CSMD1: variants seen among roughly 807,000 people sequenced by gnomAD.
CSMD1 encodes CUB and Sushi multiple domains 1.
In CSMD1, 213 loss-of-function variants were observed where a neutral mutation model predicts 417.5. That is an observed-to-expected ratio of 0.51 (90% CI 0.46 to 0.57). CSMD1 has a LOEUF of 0.57. CSMD1 is among the 20% of genes least tolerant of loss of function. The pLI is 0.00. For synonymous variants in CSMD1, 2,862 were observed against 1,736.8 expected, an observed-to-expected ratio of 1.65 and a Z score of -16.11; for missense variants, 6,923 against 4,529.7, an observed-to-expected ratio of 1.53 and a Z score of -15.17.
chr8:4,260,800 C>T (rs1803826915), intron 3 of CSMD1, among the ~76,000 whole-genome samples: 1 of 152,110 alleles, frequency 6.6e-6, no homozygotes, highest in Non-Finnish European at 1.5e-5. Flanking sequence ...GTCACCTCTC[C>T]TGGAAAATTA....
chr8:4,051,951 G>C (rs1472441426), intron 3 of CSMD1, among the ~76,000 whole-genome samples: 1 of 144,480 alleles, frequency 6.9e-6, no homozygotes, highest in Non-Finnish European at 1.5e-5. Flanking sequence ...TCTTGACAGA[G>C]TTTCACTCTT....
At chr8:4,302,506 G>A (rs576041699) in intron 3 of CSMD1, among the ~76,000 whole-genome samples, 1 of 152,240 alleles carries the variant, frequency 6.6e-6, no homozygotes, top group South Asian at 2.1e-4. Flanking sequence ...GACCACAGTA[G>A]CGTGCTTGCA....
intron 10 of CSMD1, among the ~76,000 whole-genome samples, chr8:3,540,383 A>T (rs1424924256): frequency 6.6e-6 from 1 of 152,198 alleles, no homozygotes; most frequent in Non-Finnish European, 1.5e-5. Flanking sequence ...AGTACAGCTC[A>T]AGGTGGATTC....
intron 3 of CSMD1, among the ~76,000 whole-genome samples, chr8:4,085,138 C>T (rs1053200254): frequency 6.6e-6 from 1 of 152,150 alleles, no homozygotes; most frequent in Non-Finnish European, 1.5e-5. Context: ...TGAGATGTCA[C>T]CGGCCTTGAA....
At chr8:4,682,450 TC>T (rs1271070564) in intron 1 of CSMD1, among the ~76,000 whole-genome samples, 4 of 152,184 alleles carry the variant, frequency 2.6e-5, no homozygotes, top group African/African-American at 4.8e-5. Flanking sequence ...GAATTTTTTT[TC>T]ATAGGAATAA....
intron 2 of CSMD1, among the ~76,000 whole-genome samples, chr8:4,635,448 T>C (rs1329728327): frequency 6.6e-6 from 1 of 152,106 alleles, no homozygotes; most frequent in Non-Finnish European, 1.5e-5. Context: ...TTGAAAGACA[T>C]ACCTGTCAGT....
Position 3,802,808 on chromosome 8 carries a change from C to T in CSMD1, c.819-48766G>A, listed in dbSNP as rs192266750. 4.1e-4 allele frequency among the ~76,000 whole-genome samples: 62 copies of T among 152,192 alleles called. No individual in the cohort carries two copies. The South Asian group carries it at 0.012, about 29-fold the overall frequency. The stretch of plus-strand genomic sequence containing the variant: ...CCTTTGCTTTAACTAAAGAAATGTT[C>T]GATTCGTTTCTCCATCAAGTGAAGG... On this transcript the variant is annotated intron_variant, in intron 5 of 69. Transcript: ENST00000635120.
intron 25 of CSMD1, among the ~76,000 whole-genome samples, chr8:3,295,474 A>G (rs1353854531): frequency 6.6e-6 from 1 of 152,166 alleles, no homozygotes; most frequent in Non-Finnish European, 1.5e-5. Context: ...ACTGAAAAAA[A>G]GGTAGAACTT....
At chr8:3,766,552 G>T (rs183780855) in intron 5 of CSMD1, among the ~76,000 whole-genome samples, 13 of 152,138 alleles carry the variant, frequency 8.5e-5, no homozygotes, top group African/African-American at 3.1e-4. Flanking sequence ...GTCGGCACTG[G>T]CAATGGATAT....
chr8:2,981,032 G>A (rs1278632940), intron 54 of CSMD1, among the ~76,000 whole-genome samples: 1 of 152,222 alleles, frequency 6.6e-6, no homozygotes, highest in East Asian at 1.9e-4. Context: ...TAGAGTTGCA[G>A]TCAGAAGTCT....
chr8:4,751,977 C>A (rs6989989), intron 1 of CSMD1, among the ~76,000 whole-genome samples: 3 of 152,062 alleles, frequency 2.0e-5, no homozygotes, highest in South Asian at 4.2e-4. Flanking sequence ...TACATATACA[C>A]GACTGTATAT....
In CSMD1 at chr8:4,978,111, A is replaced by T. The variant is rs115875374; in HGVS notation, c.85+16221T>A. ...GATCATGGCCACGTGAGTTCTGGGT[A>T]GCCTATTCCAAAGGTCTCAGTCACG... On this transcript the variant is annotated intron_variant, in intron 1 of 69. Transcript: ENST00000635120. Among the ~76,000 whole-genome samples the T allele has an allele frequency of 6.7e-3, 1,021 of 152,330 alleles. 11 individuals are homozygous for T. Among genetic ancestry groups the T allele is most frequent in the African/African-American group, 0.024 (982 of 41,580 alleles).
intron 7 of CSMD1, among the ~76,000 whole-genome samples, chr8:3,682,552 G>C (rs941546577): frequency 6.6e-6 from 1 of 152,200 alleles, no homozygotes; most frequent in Admixed American, 6.5e-5. Flanking sequence ...ACAGGTGCTG[G>C]AGAGGATGTG....
At chr8:3,073,088 G>C (rs559228454) in intron 49 of CSMD1, among the ~76,000 whole-genome samples, 32 of 152,314 alleles carry the variant, frequency 2.1e-4, no homozygotes, top group African/African-American at 6.5e-4. Flanking sequence ...TAGTTAAAAT[G>C]ATGCTAAAGT....
At chr8:4,152,744 C>A (rs1485134472) in intron 3 of CSMD1, among the ~76,000 whole-genome samples, 1 of 151,068 alleles carries the variant, frequency 6.6e-6, no homozygotes, top group African/African-American at 2.5e-5. Flanking sequence ...ATATATACGT[C>A]CATAGTAATA....
chr8:3,195,309 G>A (rs368732258), intron 33 of CSMD1, among the ~76,000 whole-genome samples: 6 of 152,214 alleles, frequency 3.9e-5, no homozygotes, highest in East Asian at 1.9e-4. Flanking sequence ...CAGGAGCCTC[G>A]GAGCAGGCAG....
chr8:3,089,390 G>A (rs1471930013), intron 48 of CSMD1, among the ~76,000 whole-genome samples: 1 of 152,246 alleles, frequency 6.6e-6, no homozygotes, highest in East Asian at 1.9e-4. Context: ...CCTGCGCTTA[G>A]CACAGTTTAC....
chr8:4,246,858 A>G (rs182162672), intron 3 of CSMD1, among the ~76,000 whole-genome samples: 3 of 152,302 alleles, frequency 2.0e-5, no homozygotes, highest in East Asian at 3.9e-4. Flanking sequence ...TGAACACTCA[A>G]ATAATCTACA....
At chr8:3,392,397 G>A (rs983478923) in intron 17 of CSMD1, among the ~76,000 whole-genome samples, 1 of 152,152 alleles carries the variant, frequency 6.6e-6, no homozygotes. Context: ...CTTGGCTTCA[G>A]AACCTATTTT....
Sources: allele counts gnomAD v4.1 joint callset (sites outside exome capture counted in the v4.1 genomes callset), GRCh38; gene constraint gnomAD v4.1.1; transcripts MANE v1.5; gene names NCBI Gene and HGNC (gene_info 2026-07-23, HGNC 2026-07-21).